The following WWOX variants were observed in gnomAD, a reference collection of about 807,000 sequenced individuals.
WWOX encodes WW domain containing oxidoreductase.
Under a neutral mutation model 46.2 loss-of-function variants are expected in WWOX, and 69 were observed. The observed-to-expected ratio is 1.49, with a 90% CI of 1.23 to 1.82. The LOEUF is 1.82. Ranked by LOEUF, WWOX falls within the 40% of genes most tolerant of loss-of-function variation. WWOX has a pLI of 0.00. For missense variants in WWOX, 919 were observed against 542.6 expected, an observed-to-expected ratio of 1.69 and a Z score of -6.89; for synonymous variants, 359 against 202.6, an observed-to-expected ratio of 1.77 and a Z score of -6.56.
intron 3 of WWOX, 61 bp from the exon 4 acceptor site, chr16:78,114,915 T>C: frequency 6.2e-7 from 1 of 1,609,102 alleles, no homozygotes; most frequent in East Asian, 2.2e-5. Context: ...TATAAGATTG[T>C]CTTATATTTA....
intron 8 of WWOX, among the ~76,000 whole-genome samples, chr16:79,094,243 C>CTTT (rs746687673): frequency 1.4e-5 from 2 of 138,388 alleles, no homozygotes; most frequent in Non-Finnish European, 3.1e-5. Context: ...TGAGGTTTTT[C>CTTT]TTTTTTTTTT....
chr16:79,063,042 G>A, intron 8 of WWOX, among the ~76,000 whole-genome samples: 1 of 152,220 alleles, frequency 6.6e-6, no homozygotes. Flanking sequence ...CAGCAAAGAA[G>A]AGGGAGGTTG....
intron 8 of WWOX, among the ~76,000 whole-genome samples, chr16:79,124,241 A>T (rs561917511): frequency 6.6e-6 from 1 of 152,134 alleles, no homozygotes; most frequent in South Asian, 2.1e-4. Flanking sequence ...CTGCCCCAGA[A>T]CTGGTCAAAC....
intron 8 of WWOX, among the ~76,000 whole-genome samples, chr16:78,613,978 C>T (rs899186574): frequency 3.9e-5 from 6 of 152,300 alleles, no homozygotes; most frequent in South Asian, 4.1e-4. Flanking sequence ...CTTTCAGCTA[C>T]GTTGGCAGAG....
At chr16:79,211,584 T>C in intron 8 of WWOX, 24 bp from the exon 9 acceptor site, 2 of 1,614,092 alleles carry the variant, frequency 1.2e-6, no homozygotes, top group African/African-American at 1.3e-5. Flanking sequence ...AAATTTTTTT[T>C]TGTCTTTCTT....
At chr16:78,952,295 C>T (rs951536907) in intron 8 of WWOX, among the ~76,000 whole-genome samples, 6 of 152,062 alleles carry the variant, frequency 3.9e-5, no homozygotes, top group African/African-American at 7.2e-5. Context: ...GCATTAAATC[C>T]TTCTATAAGT....
intron 8 of WWOX, among the ~76,000 whole-genome samples, chr16:78,703,438 ACT>A (rs561743809): frequency 1.3e-3 from 187 of 141,668 alleles, no homozygotes; most frequent in Non-Finnish European, 2.1e-3. Flanking sequence ...TAACATAGAG[ACT>A]CTGTCTCTAC....
At chr16:78,902,944 C>G (rs971385428) in intron 8 of WWOX, among the ~76,000 whole-genome samples, 1 of 152,158 alleles carries the variant, frequency 6.6e-6, no homozygotes, top group Admixed American at 6.5e-5. Flanking sequence ...GCGGCTGAGT[C>G]GAGGATCCAC....
intron 5 of WWOX, among the ~76,000 whole-genome samples, chr16:78,174,938 A>T (rs556454297): frequency 1.2e-4 from 18 of 151,898 alleles, no homozygotes; most frequent in Non-Finnish European, 1.6e-4. Context: ...CAGTGAGCCG[A>T]GATCAGGCCA....
At chr16:78,909,338 G>T (rs560429717) in intron 8 of WWOX, among the ~76,000 whole-genome samples, 1 of 152,190 alleles carries the variant, frequency 6.6e-6, no homozygotes, top group Non-Finnish European at 1.5e-5. Flanking sequence ...ATCCGCTTTG[G>T]TAAGAGTGGC....
chr16:78,912,324 T>C (rs1490385494), intron 8 of WWOX, among the ~76,000 whole-genome samples: 1 of 152,000 alleles, frequency 6.6e-6, no homozygotes, highest in Non-Finnish European at 1.5e-5. Flanking sequence ...TGTGTGTTAT[T>C]TTATTTCATC....
chr16:78,426,292 A>C (rs892334089), intron 7 of WWOX, among the ~76,000 whole-genome samples: 1 of 152,108 alleles, frequency 6.6e-6, no homozygotes, highest in Admixed American at 6.5e-5. Context: ...TCCAGAAATA[A>C]ATCTGCCAGC....
intron 5 of WWOX, among the ~76,000 whole-genome samples, chr16:78,259,545 T>C (rs2038224239): frequency 6.6e-6 from 1 of 151,616 alleles, no homozygotes; most frequent in Non-Finnish European, 1.5e-5. Flanking sequence ...TTTGAACTCC[T>C]GGGCTCAAGT....
intron 6 of WWOX, among the ~76,000 whole-genome samples, chr16:78,413,193 C>G (rs2082722655): frequency 6.6e-6 from 1 of 152,144 alleles, no homozygotes; most frequent in African/African-American, 2.4e-5. Flanking sequence ...AATCAATCTC[C>G]CCGAGAATTC....
intron 8 of WWOX, among the ~76,000 whole-genome samples, chr16:78,494,210 G>A (rs2084854659): frequency 6.6e-6 from 1 of 152,168 alleles, no homozygotes; most frequent in Non-Finnish European, 1.5e-5. Context: ...TCACAAGACA[G>A]CACTAGGGGG....
intron 8 of WWOX, among the ~76,000 whole-genome samples, chr16:78,667,953 C>G (rs976331016): frequency 6.6e-5 from 10 of 152,034 alleles, no homozygotes; most frequent in African/African-American, 2.2e-4. Context: ...TGCTCTCAGC[C>G]AAAGCTCTTC....
chr16:78,882,588 C>T (rs941256172), intron 8 of WWOX, among the ~76,000 whole-genome samples: 3 of 150,896 alleles, frequency 2.0e-5, no homozygotes, highest in Non-Finnish European at 4.4e-5. Flanking sequence ...GTGATCCTCT[C>T]TCCTCGCCTC....
chr16:79,118,119 C>G (rs2049554660), intron 8 of WWOX, among the ~76,000 whole-genome samples: 1 of 152,232 alleles, frequency 6.6e-6, no homozygotes. Context: ...TTAATCACTT[C>G]TAGCTTTTGA....
chr16:78,568,276 G>C lies in WWOX; in HGVS notation c.1056+135524G>C, dbSNP rs3853361. Among the ~76,000 whole-genome samples the C allele has an allele frequency of 3.2e-4, 48 of 151,982 alleles. No homozygotes were observed. In the East Asian group the frequency reaches 9.3e-3, roughly 30 times the overall value. On this transcript the variant is annotated intron_variant, in intron 8 of 8. Coordinates refer to ENST00000566780, the MANE Select transcript of WWOX (RefSeq NM_016373.4). ...TATATGAGGTACGGGATGAAGATGA[G>C]GGAGGAAAATGGTTCCTACTTATCA...
Sources: allele counts gnomAD v4.1 joint callset (sites outside exome capture counted in the v4.1 genomes callset), GRCh38; gene constraint gnomAD v4.1.1; transcripts MANE v1.5; gene names NCBI Gene and HGNC (gene_info 2026-07-23, HGNC 2026-07-21).